Variants in DNMT1 observed in about 807,000 individuals in gnomAD.
The protein encoded by DNMT1 is DNA (cytosine-5)-methyltransferase 1.
A neutral mutation model predicts 205.3 loss-of-function variants in DNMT1; 24 were observed. The observed-to-expected ratio is 0.12, with a 90% CI of 0.08 to 0.16. DNMT1 has a LOEUF of 0.16. Among genes scored for constraint, DNMT1 ranks in the 10% least tolerant of loss-of-function variants. The probability of loss-of-function intolerance (pLI) is 1.00; values close to 1 mark genes in which losing one functional copy is unlikely to be tolerated. For missense variants in DNMT1, 1,293 were observed against 2,177.7 expected, an observed-to-expected ratio of 0.59 and a Z score of 8.09; for synonymous variants, 817 against 839.8, an observed-to-expected ratio of 0.97 and a Z score of 0.47.
At chr19:10,139,970 G>A in intron 33 of DNMT1, 76 bp downstream of exon 33, 1 of 1,599,800 alleles carries the variant, frequency 6.3e-7, no homozygotes, top group South Asian at 1.1e-5. Context: ...CTCAGTGCAG[G>A]GCGAAAATGA....
chr19:10,134,325 G>A lies in DNMT1; in HGVS notation c.4774-18C>T. 1 of 1,612,812 alleles carries A rather than the reference G, an allele frequency of 6.2e-7. No homozygotes were observed. Among genetic ancestry groups the A allele is most frequent in the Non-Finnish European group, 8.5e-7 (1 of 1,179,236 alleles). ...TTGCCCACCTGCAGGAGGGGAGAAG[G>A]GCAATGCCTGATGTGGACACCCAGG... On this transcript the variant is annotated intron_variant, in intron 39 of 40. Coordinates refer to ENST00000359526, the MANE Select transcript of DNMT1 (RefSeq NM_001130823.3).
chr19:10,165,394 T>C (rs1038759832), intron 11 of DNMT1, among the ~76,000 whole-genome samples: 1 of 152,138 alleles, frequency 6.6e-6, no homozygotes, highest in African/African-American at 2.4e-5. Flanking sequence ...TTATTATTAT[T>C]ACCATATTAT....
intron 7 of DNMT1, 68 bp from the exon 8 acceptor site, chr19:10,173,973 G>C: frequency 6.8e-7 from 1 of 1,474,886 alleles, no homozygotes; most frequent in Non-Finnish European, 9.5e-7. Flanking sequence ...AACACCAAAA[G>C]TGTGAGTTGA....
Position 10,137,881 on chromosome 19 carries a change from T to C in DNMT1, c.4244A>G (p.Gln1415Arg), listed in dbSNP as rs2089523441. The C allele has an allele frequency of 6.2e-7, 1 of 1,613,664 alleles. No individual in the cohort carries two copies. The highest frequency in any genetic ancestry group is 8.5e-7 in the Non-Finnish European group (1 of 1,179,950). ...NGEPQSWFQR[Q>R]LRGAQYQPIL... Reference sequence around the variant, plus strand: ...GGGCTGGTACTGTGCGCCCCGGAGCTGCCTCTGGAACCAGGACTGAGGCTC... The same window carrying C: ...GGGCTGGTACTGTGCGCCCCGGAGCCGCCTCTGGAACCAGGACTGAGGCTC... Residue 1415 changes from glutamine (Q) to arginine (R), a missense_variant, in exon 36 of 41, where the codon CAG becomes CGG. Physicochemically the swap from Gln to Arg is conservative, Grantham distance 43. Coordinates refer to ENST00000359526, the MANE Select transcript of DNMT1 (RefSeq NM_001130823.3). This position sits in a 1 kb window ranked among gnomAD's most constrained non-coding sequence, Gnocchi z 6.4.
rs774291381 is a variant in DNMT1 at position 10,194,924 on chromosome 19, G to A, written c.-25C>T. 5.0e-6 allele frequency: 8 copies of A among 1,596,364 alleles called. No individual in the cohort carries two copies. Among genetic ancestry groups the A allele is most frequent in the Admixed American group, 1.7e-5 (1 of 57,524 alleles). On this transcript the variant is annotated 5_prime_UTR_variant, in exon 1 of 41. Coordinates refer to ENST00000359526, the MANE Select transcript of DNMT1 (RefSeq NM_001130823.3). Reference sequence around the variant, plus strand: ...TCTCGGAGGCTTCAGCAGACGCGGCGGCGGCAGCGCAGGCGCCCCGGCTTT... The same window carrying A: ...TCTCGGAGGCTTCAGCAGACGCGGCAGCGGCAGCGCAGGCGCCCCGGCTTT...
Position 10,136,726 on chromosome 19 carries a change from G to A in DNMT1, c.4489+359C>T, listed in dbSNP as rs548923048. ...GCTGGGATTACAGAGGTGAGCCATC[G>A]TGCCTGACCTGCTTTTATTATTTAT... is the stretch of plus-strand genomic sequence containing the variant. On this transcript the variant is annotated intron_variant, in intron 37 of 40. Coordinates refer to ENST00000359526, the MANE Select transcript of DNMT1 (RefSeq NM_001130823.3). 8.6e-5 allele frequency among the ~76,000 whole-genome samples: 13 copies of A among 151,246 alleles called. No homozygotes were observed. In the East Asian group the frequency reaches 2.1e-3, roughly 25 times the overall value.
rs925101151 is a variant in DNMT1, at chr19:10,194,870, C to A, written c.30G>T (p.Val10=). 6.2e-7 allele frequency: 1 copy of A among 1,611,258 alleles called. No individual in the cohort carries two copies. The highest frequency in any genetic ancestry group is 1.7e-5 in the Admixed American group (1 of 59,906). ...AGATGGCCGGGACGGCCAGTGTGGG[C>A]ACCCGGGCTGGGGCGGTACGCGCCG... MPARTAPAR[V]PTLAVPAISL... is the part of the protein sequence containing the mutation. The change falls in exon 1 of 41, where the codon GTG becomes GTT. Residue 10 remains valine (V), a synonymous_variant. Transcript: ENST00000359526.
chr19:10,181,938 G>A (rs1416175801), intron 2 of DNMT1, 103 bp downstream of exon 2: 15 of 1,068,894 alleles, frequency 1.4e-5, no homozygotes, highest in Non-Finnish European at 2.0e-5. Flanking sequence ...AACTCCATGG[G>A]AAAAAATGCA....
At chr19:10,182,997 GTATATGTGTGTATATATACA>G (rs2039101636) in intron 1 of DNMT1, among the ~76,000 whole-genome samples, 1 of 147,516 alleles carries the variant, frequency 6.8e-6, no homozygotes, top group Non-Finnish European at 1.5e-5. Context: ...ATATATACAC[GTATATGTGTGTATATATACA>G]TATATATGTG....
chr19:10,145,974 G>A (rs1025165410), intron 28 of DNMT1, among the ~76,000 whole-genome samples: 19 of 151,938 alleles, frequency 1.3e-4, no homozygotes, highest in Admixed American at 4.6e-4. Context: ...GACTACAGGC[G>A]CGCACCACCA....
chr19:10,143,916 T>C lies in DNMT1; in HGVS notation c.2966A>G (p.Tyr989Cys). The C allele has an allele frequency of 6.2e-7, 1 of 1,614,124 alleles. No homozygotes were observed. Among genetic ancestry groups the C allele is most frequent in the Non-Finnish European group, 8.5e-7 (1 of 1,180,028 alleles). Residue 989 changes from tyrosine to cysteine, a missense_variant, in exon 29 of 41, where the codon TAC becomes TGC. Physicochemically the swap from Tyr to Cys is radical, Grantham distance 194. Coordinates refer to ENST00000359526, the MANE Select transcript of DNMT1 (RefSeq NM_001130823.3). ...PVDEDLYPEH[Y>C]RKYSDYIKGS... ...TTTGATGTAGTCGGAGTATTTCCGG[T>C]AGTGCTCTGGGTACAGGTCCTCATC...
rs748855898 is a variant in DNMT1 at position 10,160,351 on chromosome 19, C to T, written c.1043+33G>A. 9.9e-6 allele frequency: 16 copies of T among 1,613,776 alleles called. No individual in the cohort carries two copies. The South Asian group carries it at 1.1e-4, about 11-fold the overall frequency. On this transcript the variant is annotated intron_variant, in intron 14 of 40. Transcript: ENST00000359526. Reference sequence around the variant, plus strand: ...AGAACCATCATTTTAACATTACCATCTGCTTTCGATAATGTCAAGAATAAA... The same window carrying T: ...AGAACCATCATTTTAACATTACCATTTGCTTTCGATAATGTCAAGAATAAA...
chr19:10,135,453 C>T (rs1381327916), intron 39 of DNMT1: 5 of 485,474 alleles, frequency 1.0e-5, no homozygotes, highest in East Asian at 7.4e-5. Flanking sequence ...AGTGAGCTGT[C>T]GCCACCATGG....
intron 1 of DNMT1, among the ~76,000 whole-genome samples, chr19:10,188,880 G>A (rs573607701): frequency 2.8e-4 from 43 of 152,148 alleles, no homozygotes; most frequent in Admixed American, 8.5e-4. Context: ...AACCAGTGAA[G>A]AAAATGGGAC....
chr19:10,146,476 G>C lies in DNMT1; in HGVS notation c.2769C>G (p.Ile923Met). The change falls in exon 28 of 41, where the codon ATC becomes ATG. Residue 923 changes from isoleucine to methionine, a missense_variant. Transcript: ENST00000359526. The surrounding 1 kb of genome is among the most constrained non-coding windows in gnomAD (Gnocchi z 4.4). ...ARLAEMRQKE[I>M]PRVLEQLEDL... Reference sequence around the variant, plus strand: ...CCTCGAGCTGCTCCAGGACCCTGGGGATTTCTTTTTGCCTCATCTCAGCCA... The same window carrying C: ...CCTCGAGCTGCTCCAGGACCCTGGGCATTTCTTTTTGCCTCATCTCAGCCA... The C allele has an allele frequency of 1.2e-6, 2 of 1,614,152 alleles. No individual in the cohort carries two copies. Among genetic ancestry groups the C allele is most frequent in the Non-Finnish European group, 1.7e-6 (2 of 1,180,020 alleles).
rs1225801694 is a variant in DNMT1, at chr19:10,138,049, G to A, written c.4116-40C>T. The A allele has an allele frequency of 5.0e-6, 8 of 1,586,856 alleles. No individual in the cohort carries two copies. Among genetic ancestry groups the A allele is most frequent in the Admixed American group, 1.8e-5 (1 of 56,792 alleles). Reference sequence around the variant, plus strand: ...GAGGTCAACACCTCTGGAGATGCACGCAGCAGCTGTCCCCTCATCACAGGT... The same window carrying A: ...GAGGTCAACACCTCTGGAGATGCACACAGCAGCTGTCCCCTCATCACAGGT... On this transcript the variant is annotated intron_variant, in intron 35 of 40. Transcript: ENST00000359526. This position sits in a 1 kb window ranked among gnomAD's most constrained non-coding sequence, Gnocchi z 4.1.
chr19:10,133,519 C>T lies in DNMT1; in HGVS notation c.*148G>A, dbSNP rs2089417476. On this transcript the variant is annotated 3_prime_UTR_variant, in exon 41 of 41. Transcript: ENST00000359526. The surrounding 1 kb of genome is among the most constrained non-coding windows in gnomAD (Gnocchi z 4.1). Reference sequence around the variant, plus strand: ...GATCACTAAATCATTAGTTGATAAGCGAACCTCACACAACAGCTTCATGTC... The same window carrying T: ...GATCACTAAATCATTAGTTGATAAGTGAACCTCACACAACAGCTTCATGTC... 5.8e-6 allele frequency: 5 copies of T among 864,854 alleles called. No homozygotes were observed. Among genetic ancestry groups the T allele is most frequent in the East Asian group, 2.7e-5 (1 of 37,516 alleles). 53.6% of individuals were successfully genotyped at this position (864,854 alleles called of 1,614,324 possible). A position where few individuals can be genotyped will look rare whatever the true frequency, so the allele number is the denominator to read the frequency against.
intron 1 of DNMT1, among the ~76,000 whole-genome samples, chr19:10,186,566 C>T (rs1399771405): frequency 6.6e-6 from 1 of 151,978 alleles, no homozygotes; most frequent in African/African-American, 2.4e-5. Context: ...TGGCCAGGCA[C>T]GGTGGCTCAT....
rs2145308855 is a variant in DNMT1, at chr19:10,154,937, A to T, written c.1612T>A (p.Ser538Thr). The T allele has an allele frequency of 1.2e-6, 2 of 1,614,206 alleles. No homozygotes were observed. Among genetic ancestry groups the T allele is most frequent in the African/African-American group, 2.7e-5 (2 of 75,038 alleles). ...VVEFLQSNSD[S>T]TYEDLINKIE... Reference sequence around the variant, plus strand: ...TTGTTGATCAGGTCCTCATAGGTCGAGTCGGAATTGCTCTGCAGGAACTCC... The same window carrying T: ...TTGTTGATCAGGTCCTCATAGGTCGTGTCGGAATTGCTCTGCAGGAACTCC... Residue 538 changes from serine to threonine, a missense_variant, in exon 20 of 41, where the codon TCG becomes ACG. By Grantham distance (58) the Ser-to-Thr change is moderately conservative. Transcript: ENST00000359526. The surrounding 1 kb of genome is among the most constrained non-coding windows in gnomAD (Gnocchi z 6.3).
Sources: gnomAD v4.1 joint callset for allele counts (sites outside exome capture counted in the v4.1 genomes callset) on GRCh38, gnomAD v4.1.1 for gene constraint, Gnocchi (gnomAD v3.1) non-coding constraint, MANE v1.5 for transcripts, NCBI Gene and HGNC (gene_info 2026-07-23, HGNC 2026-07-21) for gene names.